PXK: variants seen among roughly 807,000 people sequenced by gnomAD.
PXK encodes the protein PX domain containing serine/threonine kinase like, also known as PX domain-containing protein kinase-like protein.
PXK carries 35 observed loss-of-function variants against 84.7 expected under a neutral mutation model. That is an observed-to-expected ratio of 0.41 (90% CI 0.32 to 0.55). The LOEUF (loss-of-function observed/expected upper bound fraction) is 0.55, where lower values mean the gene tolerates loss of function less well. PXK is among the 20% of genes least tolerant of loss of function. The pLI is 0.21. For missense variants in PXK, 634 were observed against 699.7 expected, an observed-to-expected ratio of 0.91 and a Z score of 1.06; for synonymous variants, 253 against 260.8, an observed-to-expected ratio of 0.97 and a Z score of 0.29.
At chr3:58,384,025 T>C (rs1454473257) in intron 4 of PXK, among the ~76,000 whole-genome samples, 1 of 152,208 alleles carries the variant, frequency 6.6e-6, no homozygotes, top group Non-Finnish European at 1.5e-5. Context: ...TGGGGAGCGT[T>C]AGAAAAATTT....
chr3:58,337,551 A>G (rs960419976), intron 1 of PXK, among the ~76,000 whole-genome samples: 2 of 151,902 alleles, frequency 1.3e-5, no homozygotes, highest in African/African-American at 4.8e-5. Flanking sequence ...GCTCACGGCA[A>G]CCTCAGTCTC....
chr3:58,394,982 T>C lies in PXK; in HGVS notation c.616-16T>C. 1.9e-6 allele frequency: 3 copies of C among 1,582,462 alleles called. No individual in the cohort carries two copies. The South Asian group carries it at 3.3e-5, about 18-fold the overall frequency. On this transcript the variant is annotated splice_polypyrimidine_tract_variant and intron_variant, in intron 7 of 17. Transcript: ENST00000356151. ...CCTGACGCAAATCAATGTGAATTTC[T>C]TTTTTGTTTTGACAGCACCCTTACA...
chr3:58,364,028 G>A lies in PXK; in HGVS notation c.103-1846G>A, dbSNP rs1251811412. On this transcript the variant is annotated intron_variant, in intron 1 of 17. Coordinates refer to ENST00000356151, the MANE Select transcript of PXK (RefSeq NM_017771.5). The surrounding 1 kb of genome is among the most constrained non-coding windows in gnomAD (Gnocchi z 4.3). Reference sequence around the variant, plus strand: ...TTTTCTTGATTAGCCTGTTAATATGGCAGATTACATCGATCAGTTTCTGAA... The same window carrying A: ...TTTTCTTGATTAGCCTGTTAATATGACAGATTACATCGATCAGTTTCTGAA... 6.6e-6 allele frequency among the ~76,000 whole-genome samples: 1 copy of A among 152,116 alleles called. No individual in the cohort carries two copies.
rs1300883757 is a variant in PXK, at chr3:58,411,388, G to A, written c.1465+1229G>A. Among the ~76,000 whole-genome samples, 1 of 152,184 alleles carries A rather than the reference G, an allele frequency of 6.6e-6. No individual in the cohort carries two copies. Among genetic ancestry groups the A allele is most frequent in the Admixed American group, 6.5e-5 (1 of 15,290 alleles). ...GGCTCAGGAAGAGCTGCAAAGGAGAGGAAGGAGGGGTGGTCCCAATGAGGA... is the reference window on the plus strand; with the variant it reads ...GGCTCAGGAAGAGCTGCAAAGGAGAAGAAGGAGGGGTGGTCCCAATGAGGA... On this transcript the variant is annotated intron_variant, in intron 16 of 17. Coordinates refer to ENST00000356151, the MANE Select transcript of PXK (RefSeq NM_017771.5). This position sits in a 1 kb window ranked among gnomAD's most constrained non-coding sequence, Gnocchi z 4.2.
intron 3 of PXK, among the ~76,000 whole-genome samples, chr3:58,380,754 A>G (rs1250167769): frequency 6.6e-6 from 1 of 151,914 alleles, no homozygotes; most frequent in Non-Finnish European, 1.5e-5. Context: ...AGTTTGCTGC[A>G]CTCCAGCCTG....
At position 58,400,823 on chromosome 3, in the gene PXK, G is replaced by A. The variant is rs780675413; in HGVS notation, c.1181+1446G>A. On this transcript the variant is annotated intron_variant, in intron 12 of 17. Transcript: ENST00000356151. This position sits in a 1 kb window ranked among gnomAD's most constrained non-coding sequence, Gnocchi z 4.0. ...CCCAGCTACTCAGGAGGCTGAGGCA[G>A]AAGAATCACTTGAACTGGGGAGGCA... 6.6e-6 allele frequency among the ~76,000 whole-genome samples: 1 copy of A among 152,186 alleles called. No individual in the cohort carries two copies. The highest frequency in any genetic ancestry group is 1.5e-5 in the Non-Finnish European group (1 of 68,026).
At chr3:58,424,080 G>C (rs1158632962) in intron 17 of PXK, among the ~76,000 whole-genome samples, 2 of 152,260 alleles carry the variant, frequency 1.3e-5, no homozygotes, top group East Asian at 1.9e-4. Context: ...ATGGCAGAGA[G>C]ACCCCTCTGC....
At chr3:58,378,510 TTTTGTGTG>T (rs1559986936) in intron 3 of PXK, among the ~76,000 whole-genome samples, 3 of 27,732 alleles carry the variant, frequency 1.1e-4, no homozygotes, top group Non-Finnish European at 1.8e-4. Context: ...TTTTTTTTTT[TTTTGTGTG>T]TGTGTGTGTG....
At chr3:58,380,997 C>A (rs945706464) in intron 3 of PXK, among the ~76,000 whole-genome samples, 4 of 151,992 alleles carry the variant, frequency 2.6e-5, no homozygotes, top group Non-Finnish European at 5.9e-5. Context: ...GCCTGTAATC[C>A]CAGCACTTTG....
intron 3 of PXK, among the ~76,000 whole-genome samples, chr3:58,372,658 G>A (rs1351939563): frequency 2.7e-5 from 4 of 148,928 alleles, no homozygotes; most frequent in African/African-American, 7.4e-5. Context: ...ATGGAGTCTC[G>A]CCCTGTCACC....
In PXK at chr3:58,409,042, A is replaced by G; in HGVS notation, c.1308+41A>G. The G allele has an allele frequency of 1.4e-6, 2 of 1,438,756 alleles. No individual in the cohort carries two copies. Among genetic ancestry groups the G allele is most frequent in the Non-Finnish European group, 1.9e-6 (2 of 1,026,436 alleles). The allele number at this position is 1,438,756 out of a possible 1,614,324, so 89.1% of individuals were successfully genotyped here. A position where few individuals can be genotyped will look rare whatever the true frequency, so the allele number is the denominator to read the frequency against. The stretch of plus-strand genomic sequence containing the variant: ...TTCCTCTTTGCCTTTTAGTGTCCCC[A>G]TCCTCTGCCGTGGTTTTTATAGTGA... On this transcript the variant is annotated intron_variant, in intron 14 of 17. Transcript: ENST00000356151. This position sits in a 1 kb window ranked among gnomAD's most constrained non-coding sequence, Gnocchi z 4.2.
Position 58,412,452 on chromosome 3 carries a change from C to G in PXK, c.1466-449C>G, listed in dbSNP as rs1048370315. On this transcript the variant is annotated intron_variant, in intron 16 of 17. Transcript: ENST00000356151. This position sits in a 1 kb window ranked among gnomAD's most constrained non-coding sequence, Gnocchi z 6.2. ...TCTACCTGCTGATAAAATGGAACTT[C>G]GGCAGAATGCGTTACTGGGTGGATG... Among the ~76,000 whole-genome samples, 1 of 152,092 alleles carries G rather than the reference C, an allele frequency of 6.6e-6. No homozygotes were observed. Among genetic ancestry groups the G allele is most frequent in the African/African-American group, 2.4e-5 (1 of 41,416 alleles).
Position 58,391,788 on chromosome 3 carries a change from G to A in PXK, c.556G>A (p.Asp186Asn), listed in dbSNP as rs372743908. 4 of 1,613,464 alleles carry A rather than the reference G, an allele frequency of 2.5e-6. No individual in the cohort carries two copies. In the African/African-American group the frequency reaches 5.3e-5, roughly 22 times the overall value. Residue 186 changes from aspartate (D) to asparagine (N), a missense_variant, in exon 7 of 18, where the codon GAC (aspartate) becomes AAC (asparagine). Asp to Asn is a conservative substitution (Grantham distance 23). Coordinates refer to ENST00000356151, the MANE Select transcript of PXK (RefSeq NM_017771.5). Reference protein sequence around the residue: ...LVLSWADLGPDKYLSDKDFQC... With the variant: ...LVLSWADLGPNKYLSDKDFQC... ...ATGTTTTCAGGCTGACCTTGGCCCA[G>A]ACAAGTATTTGTCAGATAAAGATTT...
rs941925656 is a variant in PXK, at chr3:58,421,358, G to C, written c.1529-3394G>C. On this transcript the variant is annotated intron_variant, in intron 17 of 17. Transcript: ENST00000356151. This position sits in a 1 kb window ranked among gnomAD's most constrained non-coding sequence, Gnocchi z 5.5. ...GCACTTTGGGAGGCTGAGGCGGGCG[G>C]ATCACAAGGATCAGGAGTTCAAGAC... 2 of 957,690 alleles carry C rather than the reference G, an allele frequency of 2.1e-6. No homozygotes were observed. The allele number at this position is 957,690 out of a possible 1,614,324, so 59.3% of individuals were successfully genotyped here. A position where few individuals can be genotyped will look rare whatever the true frequency, so the allele number is the denominator to read the frequency against.
chr3:58,368,345 C>CA (rs1307761576), intron 2 of PXK, among the ~76,000 whole-genome samples: 1 of 151,786 alleles, frequency 6.6e-6, no homozygotes. Flanking sequence ...TTTTTTTAGA[C>CA]AGAGTCTCAT....
chr3:58,382,439 T>C (rs1448800289), intron 3 of PXK, 75 bp from the exon 4 acceptor site: 1 of 1,270,696 alleles, frequency 7.9e-7, no homozygotes, highest in Non-Finnish European at 1.0e-6. Flanking sequence ...TAATGAAATA[T>C]GATAGGTCAA....
chr3:58,424,767 C>T lies in PXK; in HGVS notation c.1544C>T (p.Pro515Leu), dbSNP rs766632786. The T allele has an allele frequency of 1.2e-6, 2 of 1,613,626 alleles. No homozygotes were observed. The highest frequency in any genetic ancestry group is 1.3e-5 in the African/African-American group (1 of 74,894). ...PPSTSGISAL[P>L]PPPPPPPPPA... ...TCCTCCACAGGGATATCTGCATTAC[C>T]TCCACCTCCTCCACCTCCACCACCA... Residue 515 changes from proline to leucine, a missense_variant, in exon 18 of 18, where the codon CCT (proline) becomes CTT (leucine). By Grantham distance (98) the Pro-to-Leu change is moderately conservative. Transcript: ENST00000356151.
chr3:58,408,464 C>T (rs1166110507), intron 13 of PXK, among the ~76,000 whole-genome samples: 2 of 151,606 alleles, frequency 1.3e-5, no homozygotes, highest in Non-Finnish European at 2.9e-5. Flanking sequence ...GTTAGGGATA[C>T]CAAAAGTGGC....
At chr3:58,360,254 T>C (rs1323926492) in intron 1 of PXK, among the ~76,000 whole-genome samples, 1 of 152,206 alleles carries the variant, frequency 6.6e-6, no homozygotes, top group Non-Finnish European at 1.5e-5. Flanking sequence ...GAACGTTGAA[T>C]GTACCATCCT....
Sources: gnomAD v4.1 joint callset for allele counts (sites outside exome capture counted in the v4.1 genomes callset) on GRCh38, gnomAD v4.1.1 for gene constraint, Gnocchi (gnomAD v3.1) non-coding constraint, MANE v1.5 for transcripts, NCBI Gene and HGNC (gene_info 2026-07-23, HGNC 2026-07-21) for gene names.